HEPH: variants seen among roughly 807,000 people sequenced by gnomAD.
HEPH encodes the protein hephaestin.
A neutral mutation model predicts 80.8 loss-of-function variants in HEPH; 69 were observed. The ratio of observed to expected loss-of-function variants is 0.85; its 90% CI spans 0.70 to 1.04. HEPH has a LOEUF of 1.04. HEPH is among the 50% of genes least tolerant of loss of function. The pLI is 0.00. For synonymous variants in HEPH, 431 were observed against 322.8 expected (o/e 1.34, Z -3.60); for missense variants, 1,115 against 891.3 (o/e 1.25, Z -3.20).
At chrX:66,265,901 G>T (rs753470308) in intron 20 of HEPH, among the ~76,000 whole-genome samples, 1 of 111,820 alleles carries the variant, frequency 8.9e-6, no homozygotes, top group South Asian at 3.8e-4. Context: ...AAGTGTGTAT[G>T]CCAAGAACTA....
At chrX:66,241,356 A>C (rs768832163) in intron 15 of HEPH, among the ~76,000 whole-genome samples, 1 of 111,861 alleles carries the variant, frequency 8.9e-6, no homozygotes, top group Admixed American at 9.5e-5. Context: ...TGCTGTCTTC[A>C]AGAAACCCAA....
intron 15 of HEPH, among the ~76,000 whole-genome samples, chrX:66,231,586 G>T (rs1229294816): frequency 2.7e-5 from 3 of 109,657 alleles, no homozygotes; most frequent in African/African-American, 1.0e-4. Flanking sequence ...TTTGTCTGTT[G>T]TTGGTGTATA....
intron 12 of HEPH, among the ~76,000 whole-genome samples, chrX:66,202,813 A>G (rs919759374): frequency 9.3e-6 from 1 of 108,053 alleles, no homozygotes; most frequent in Non-Finnish European, 1.9e-5. Context: ...ATTGTGTTTA[A>G]TTGTAAAACA....
intron 1 of HEPH, among the ~76,000 whole-genome samples, chrX:66,166,307 C>T (rs1199189217): frequency 1.8e-5 from 2 of 111,436 alleles, no homozygotes; most frequent in East Asian, 5.6e-4. Flanking sequence ...GATTCTCCTG[C>T]CTCAGCCTCC....
At chrX:66,188,647 C>A in intron 5 of HEPH, 106 bp downstream of exon 5, 1 of 652,055 alleles carries the variant, frequency 1.5e-6, no homozygotes, top group Non-Finnish European at 2.3e-6. Context: ...CCTTTTTAGT[C>A]ATCACGAGGG....
Position 66,199,008 on chromosome X carries a change from A to T in HEPH, c.1844A>T (p.Gln615Leu). The change falls in exon 11 of 21, where the codon CAA (glutamine) becomes CTA (leucine). Residue 615 changes from glutamine (Q) to leucine (L), a missense_variant. Physicochemically the swap from Gln to Leu is moderately radical, Grantham distance 113. This residue lies in a region of HEPH where 716 missense variants were observed against 523.5 expected (regional missense o/e 1.37). Coordinates refer to ENST00000343002, the MANE Select transcript of HEPH (RefSeq NM_001367233.3). ...RLLSEDIEGF[Q>L]DSNRMHAING... Reference sequence around the variant, plus strand: ...CTTTCAGAGGATATTGAGGGCTTCCAAGACTCCAATCGGATGCATGGTATG... The same window carrying T: ...CTTTCAGAGGATATTGAGGGCTTCCTAGACTCCAATCGGATGCATGGTATG... The T allele has an allele frequency of 8.3e-7, 1 of 1,211,339 alleles. No homozygotes were observed. The highest frequency in any genetic ancestry group is 1.1e-6 in the Non-Finnish European group (1 of 895,118).
intron 12 of HEPH, among the ~76,000 whole-genome samples, 184 bp downstream of exon 12, chrX:66,200,936 A>T (rs2088407531): frequency 1.8e-5 from 2 of 111,275 alleles, no homozygotes; most frequent in African/African-American, 3.3e-5. Context: ...TGGATTCCCT[A>T]CTCAGCTGCA....
chrX:66,209,058 A>G (rs888137010), intron 15 of HEPH, among the ~76,000 whole-genome samples: 1 of 111,697 alleles, frequency 9.0e-6, no homozygotes, highest in Non-Finnish European at 1.9e-5. Context: ...CTACTGGGTG[A>G]CAAGAACAAC....
At position 66,203,375 on chromosome X, in the gene HEPH, A is replaced by T. The variant is rs34562897; in HGVS notation, c.2089A>T (p.Ile697Phe). 1.7e-6 allele frequency: 2 copies of T among 1,209,598 alleles called. No homozygotes were observed. Among genetic ancestry groups the T allele is most frequent in the South Asian group, 3.5e-5 (2 of 56,773 alleles). Residue 697 changes from isoleucine to phenylalanine, a missense_variant, in exon 13 of 21, where the codon ATT becomes TTT. Ile to Phe is a conservative substitution (Grantham distance 21). This residue lies in a region of HEPH where 716 missense variants were observed against 523.5 expected (regional missense o/e 1.37). Transcript: ENST00000343002. ...MQPDNLGTFE[I>F]YCQAGSHREA... ...TGATCCTCCCTCAGGGACATTTGAG[A>T]TTTATTGCCAGGCAGGCAGCCATCG...
At chrX:66,192,320 CTCTTTAAT>C in intron 7 of HEPH, 22 bp downstream of exon 7, 1 of 1,161,627 alleles carries the variant, frequency 8.6e-7, no homozygotes, top group Non-Finnish European at 1.2e-6. Flanking sequence ...TGGGATCCCT[CTCTTTAAT>C]TCTTTAATTG....
chrX:66,180,845 C>A (rs1387192906), intron 4 of HEPH, among the ~76,000 whole-genome samples: 1 of 63,919 alleles, frequency 1.6e-5, no homozygotes, highest in East Asian at 5.8e-4. Flanking sequence ...TATCCCTCCC[C>A]CCTCCCCCGA....
intron 5 of HEPH, among the ~76,000 whole-genome samples, chrX:66,188,883 C>A (rs1396042266): frequency 8.9e-6 from 1 of 112,335 alleles, no homozygotes; most frequent in African/African-American, 3.2e-5. Flanking sequence ...CCCACTGATA[C>A]AATTAATCAA....
At chrX:66,172,264 A>C in intron 2 of HEPH, 91 bp from the exon 3 acceptor site, 1 of 856,007 alleles carries the variant, frequency 1.2e-6, no homozygotes. Context: ...AAACAAAGAT[A>C]GTCACTTTTT....
At position 66,193,623 on chromosome X, in the gene HEPH, C is replaced by A; in HGVS notation, c.1354C>A (p.His452Asn). ...GAAGATGCATTTGGAGGAAGATAGG[C>A]ATCTTGGAATCCTGGGTGAGGAATT... Reference protein sequence around the residue: ...QEKMHLEEDRHLGILGPVIRA... With the variant: ...QEKMHLEEDRNLGILGPVIRA... The change falls in exon 8 of 21, where the codon CAT becomes AAT. Residue 452 changes from histidine to asparagine, a missense_variant. Transcript: ENST00000343002. The A allele has an allele frequency of 3.4e-6, 4 of 1,185,433 alleles. No homozygotes were observed. The highest frequency in any genetic ancestry group is 1.8e-5 in the African/African-American group (1 of 56,921).
At chrX:66,180,997 T>C (rs1259345573) in intron 4 of HEPH, among the ~76,000 whole-genome samples, 1 of 97,578 alleles carries the variant, frequency 1.0e-5, no homozygotes, top group Non-Finnish European at 2.0e-5. Flanking sequence ...TGGTTTCCAG[T>C]TTCATCCATG....
At chrX:66,180,100 T>C (rs1032003705) in intron 4 of HEPH, among the ~76,000 whole-genome samples, 17 of 111,628 alleles carry the variant, frequency 1.5e-4, no homozygotes, top group Non-Finnish European at 2.8e-4. Context: ...AGATATGAGG[T>C]ACCATAGCAT....
At chrX:66,230,910 G>A (rs1852016791) in intron 15 of HEPH, among the ~76,000 whole-genome samples, 1 of 101,049 alleles carries the variant, frequency 9.9e-6, no homozygotes, top group African/African-American at 3.6e-5. Context: ...ATGGTTTTAG[G>A]TCTAACGTTT....
At chrX:66,258,732 A>G in intron 17 of HEPH, 108 bp from the exon 18 acceptor site, 1 of 566,202 alleles carries the variant, frequency 1.8e-6, no homozygotes, top group Non-Finnish European at 2.6e-6. Context: ...GCCCATTGCT[A>G]TCTTCGGTAA....
chrX:66,178,135 T>C (rs1404495861), intron 4 of HEPH, among the ~76,000 whole-genome samples: 1 of 110,884 alleles, frequency 9.0e-6, no homozygotes, highest in East Asian at 2.8e-4. Flanking sequence ...TGATGTTCCC[T>C]TTCCTGTGTC....
Sources: gnomAD v4.1 joint callset for allele counts (sites outside exome capture counted in the v4.1 genomes callset) on GRCh38, gnomAD v4.1.1 for gene constraint, gnomAD v4.1.1 regional missense constraint, MANE v1.5 for transcripts, NCBI Gene and HGNC (gene_info 2026-07-23, HGNC 2026-07-21) for gene names.